SYNPR: variants seen among roughly 807,000 people sequenced by gnomAD.
SYNPR encodes the protein synaptoporin.
A neutral mutation model predicts 32.9 loss-of-function variants in SYNPR; 23 were observed. The ratio of observed to expected loss-of-function variants is 0.70; its 90% CI spans 0.50 to 0.99. SYNPR has a LOEUF of 0.99. Among genes scored for constraint, SYNPR ranks in the 50% least tolerant of loss-of-function variants. SYNPR has a pLI of 0.00. For missense variants in SYNPR, 318 were observed against 349.3 expected, an observed-to-expected ratio of 0.91 and a Z score of 0.71; for synonymous variants, 146 against 135.9, an observed-to-expected ratio of 1.07 and a Z score of -0.52.
chr3:63,231,320 C>T (rs1236974110), intron 1 of SYNPR, among the ~76,000 whole-genome samples: 1 of 151,936 alleles, frequency 6.6e-6, no homozygotes, highest in Non-Finnish European at 1.5e-5. Flanking sequence ...ACTCTGGGGA[C>T]TGGTGGGAGG....
intron 2 of SYNPR, among the ~76,000 whole-genome samples, chr3:63,425,797 T>C (rs1015682967): frequency 1.3e-5 from 2 of 151,256 alleles, no homozygotes; most frequent in African/African-American, 4.9e-5. Flanking sequence ...TTTTTTTTTT[T>C]AGTAAGATGA....
intron 5 of SYNPR, among the ~76,000 whole-genome samples, chr3:63,611,209 T>C (rs1446292280): frequency 6.6e-6 from 1 of 152,302 alleles, no homozygotes; most frequent in African/African-American, 2.4e-5. Flanking sequence ...AAGAAACAGG[T>C]TCTAGAAAGA....
At chr3:63,427,302 TTG>T (rs1699911282) in intron 2 of SYNPR, 1 of 152,008 alleles carries the variant, frequency 6.6e-6, no homozygotes, top group Non-Finnish European at 1.5e-5. Flanking sequence ...ATATTTCAAC[TTG>T]TCTGAAAGTC....
intron 4 of SYNPR, among the ~76,000 whole-genome samples, chr3:63,571,175 C>A (rs939459499): frequency 6.6e-6 from 1 of 152,136 alleles, no homozygotes; most frequent in East Asian, 1.9e-4. Context: ...ATACTCCCTT[C>A]CACATGCGTA....
intron 2 of SYNPR, among the ~76,000 whole-genome samples, chr3:63,419,069 G>A (rs1390788127): frequency 1.3e-5 from 2 of 152,144 alleles, no homozygotes; most frequent in Non-Finnish European, 2.9e-5. Flanking sequence ...AAACAGAACG[G>A]TATCTTAATA....
intron 5 of SYNPR, among the ~76,000 whole-genome samples, chr3:63,613,890 A>T (rs1700240097): frequency 6.6e-6 from 1 of 152,164 alleles, no homozygotes; most frequent in African/African-American, 2.4e-5. Flanking sequence ...TACAGTCCCC[A>T]GGGTGCCTTT....
intron 3 of SYNPR, among the ~76,000 whole-genome samples, chr3:63,518,974 A>T (rs1313075152): frequency 6.6e-6 from 1 of 152,196 alleles, no homozygotes; most frequent in Non-Finnish European, 1.5e-5. Flanking sequence ...ACATCAAGGG[A>T]TGATGAATTT....
rs542218412 is a variant in SYNPR, at chr3:63,533,713, T to C, written c.210-22830T>C. On this transcript the variant is annotated intron_variant, in intron 3 of 5. Coordinates refer to ENST00000478300, the MANE Select transcript of SYNPR (RefSeq NM_001130003.2). ...ATTTGTAGTTCAACTCGTGCATTGT[T>C]ATAGGCATGATTCAACTCAACCAGC... Among the ~76,000 whole-genome samples, 8 of 152,296 alleles carry C rather than the reference T, an allele frequency of 5.3e-5. No homozygotes were observed. In the East Asian group the frequency reaches 1.6e-3, roughly 30 times the overall value.
chr3:63,252,598 A>C (rs1307179301), intron 2 of SYNPR: 2 of 152,202 alleles, frequency 1.3e-5, no homozygotes, highest in African/African-American at 4.8e-5. Flanking sequence ...TACAGAAAAC[A>C]TTTCTAAAAA....
Position 63,439,830 on chromosome 3 carries a change from G to A in SYNPR, c.85-41002G>A, listed in dbSNP as rs185708243. ...GGCTAACCTCCTTTGAAAAAATTAGGTTTCTTCACCACCATCTCAAACCTA... is the reference window on the plus strand; with the variant it reads ...GGCTAACCTCCTTTGAAAAAATTAGATTTCTTCACCACCATCTCAAACCTA... On this transcript the variant is annotated intron_variant, in intron 2 of 5. Coordinates refer to ENST00000478300, the MANE Select transcript of SYNPR (RefSeq NM_001130003.2). Among the ~76,000 whole-genome samples, 314 of 152,170 alleles carry A rather than the reference G, an allele frequency of 2.1e-3. 1 individual carries two copies. The highest frequency in any genetic ancestry group is 3.3e-3 in the Admixed American group (50 of 15,272).
chr3:63,552,229 T>C (rs539971514), intron 3 of SYNPR, among the ~76,000 whole-genome samples: 36 of 152,194 alleles, frequency 2.4e-4, no homozygotes, highest in Non-Finnish European at 4.0e-4. Context: ...TATAAAGTTG[T>C]TGAAAGTGTA....
intron 4 of SYNPR, among the ~76,000 whole-genome samples, chr3:63,599,591 G>A (rs1700008233): frequency 6.6e-6 from 1 of 152,112 alleles, no homozygotes; most frequent in African/African-American, 2.4e-5. Context: ...TGCACTCTAT[G>A]ATGTTCACAC....
chr3:63,244,571 C>T (rs1376342377), intron 1 of SYNPR, among the ~76,000 whole-genome samples: 2 of 152,044 alleles, frequency 1.3e-5, no homozygotes, highest in Non-Finnish European at 2.9e-5. Flanking sequence ...TCCACTTGAG[C>T]TTGGTAGTCA....
upstream of SYNPR, among the ~76,000 whole-genome samples, chr3:63,273,941 A>C (rs1346194897): frequency 1.3e-5 from 2 of 152,196 alleles, no homozygotes; most frequent in African/African-American, 4.8e-5. Flanking sequence ...ATTTCCACAC[A>C]ATCTCCTGTC....
chr3:63,583,263 C>A (rs988173046), intron 4 of SYNPR, among the ~76,000 whole-genome samples: 1 of 152,012 alleles, frequency 6.6e-6, no homozygotes, highest in African/African-American at 2.4e-5. Flanking sequence ...GGCTGTTTCA[C>A]TTCTTCTGTG....
At chr3:63,235,787 A>T (rs1307175882) in intron 1 of SYNPR, among the ~76,000 whole-genome samples, 1 of 152,088 alleles carries the variant, frequency 6.6e-6, no homozygotes, top group African/African-American at 2.4e-5. Flanking sequence ...GAGGTTTGCA[A>T]ATATTTTCTC....
chr3:63,424,463 T>C (rs1699856459), intron 2 of SYNPR, among the ~76,000 whole-genome samples: 1 of 152,186 alleles, frequency 6.6e-6, no homozygotes, highest in Non-Finnish European at 1.5e-5. Context: ...ATCTCTACCT[T>C]GGAGAATGAT....
intron 1 of SYNPR, among the ~76,000 whole-genome samples, chr3:63,247,668 G>C (rs1265786405): frequency 6.6e-6 from 1 of 152,056 alleles, no homozygotes. Flanking sequence ...GATGACCACT[G>C]GTCTGTTTCC....
At chr3:63,543,802 T>G (rs1702348995) in intron 3 of SYNPR, among the ~76,000 whole-genome samples, 1 of 152,094 alleles carries the variant, frequency 6.6e-6, no homozygotes, top group South Asian at 2.1e-4. Context: ...CTCAATGCCC[T>G]AGACACTGTA....
Sources: allele counts gnomAD v4.1 joint callset (sites outside exome capture counted in the v4.1 genomes callset), GRCh38; gene constraint gnomAD v4.1.1; transcripts MANE v1.5; gene names NCBI Gene and HGNC (gene_info 2026-07-23, HGNC 2026-07-21).